The following PML variants were observed in gnomAD, a reference collection of about 807,000 sequenced individuals.
The protein encoded by PML is PML nuclear body scaffold, also known as protein PML.
In PML, 28 loss-of-function variants were observed where a neutral mutation model predicts 65.2. The ratio of observed to expected loss-of-function variants is 0.43; its 90% CI spans 0.32 to 0.59. The LOEUF is 0.59. Ranked by LOEUF, PML falls within the 20% of genes least tolerant of loss-of-function variation. PML has a pLI of 0.08. For missense variants in PML, 1,021 were observed against 1,203.4 expected (o/e 0.85, Z 2.24); for synonymous variants, 500 against 508.8 (o/e 0.98, Z 0.23).
At chr15:74,012,751 T>A (rs1302858666) in intron 2 of PML, among the ~76,000 whole-genome samples, 1 of 152,226 alleles carries the variant, frequency 6.6e-6, no homozygotes, top group Non-Finnish European at 1.5e-5. Flanking sequence ...CCACTGGTCT[T>A]TTTACTTTAA....
chr15:74,015,568 T>C (rs2070533291), intron 2 of PML, among the ~76,000 whole-genome samples: 1 of 152,224 alleles, frequency 6.6e-6, no homozygotes, highest in Non-Finnish European at 1.5e-5. Flanking sequence ...AGAAGTAGCA[T>C]GCTCCCCTGG....
chr15:74,036,201 G>T (rs993819753), intron 7 of PML: 1 of 1,586,502 alleles, frequency 6.3e-7, no homozygotes, highest in East Asian at 2.2e-5. Flanking sequence ...CTTTGCCCAA[G>T]AAAGAAACTT....
intron 6 of PML, 59 bp downstream of exon 6, chr15:74,033,473 C>T: frequency 6.3e-7 from 1 of 1,593,512 alleles, no homozygotes; most frequent in Non-Finnish European, 8.6e-7. Context: ...GGGCGGTGCC[C>T]CTCTTCTGTA....
chr15:74,042,926 G>A lies in PML; in HGVS notation c.1711-63G>A, dbSNP rs879383577. On this transcript the variant is annotated intron_variant, in intron 7 of 8. Transcript: ENST00000268058. This position sits in a 1 kb window ranked among gnomAD's most constrained non-coding sequence, Gnocchi z 5.3. ...CTCCCAGCTATACCAGCTTGCTAGT[G>A]TTCTGCACAGGTGCTTGCCTTGGCC... 2.5e-5 allele frequency: 41 copies of A among 1,611,382 alleles called. No individual in the cohort carries two copies. The highest frequency in any genetic ancestry group is 3.1e-5 in the Non-Finnish European group (37 of 1,179,942).
At chr15:74,012,135 T>G (rs2070360771) in intron 2 of PML, among the ~76,000 whole-genome samples, 1 of 118,374 alleles carries the variant, frequency 8.4e-6, no homozygotes, top group Non-Finnish European at 1.9e-5. Flanking sequence ...AAAAGGTCCC[T>G]CTAAGATTAA....
Position 74,042,369 on chromosome 15 carries a change from G to T in PML, c.1711-620G>T, listed in dbSNP as rs193200177. 10 of 985,454 alleles carry T rather than the reference G, an allele frequency of 1.0e-5. No homozygotes were observed. The East Asian group carries it at 1.1e-3, about 112-fold the overall frequency. The allele number at this position is 985,454 out of a possible 1,614,324, so 61.0% of individuals were successfully genotyped here. ...AAGCAGTCCTTCCCCTCGCCTTTGT[G>T]TAGGACACTGGCACCTCGGCTGACT... is the stretch of plus-strand genomic sequence containing the variant. On this transcript the variant is annotated intron_variant, in intron 7 of 8. Coordinates refer to ENST00000268058, the MANE Select transcript of PML (RefSeq NM_033238.3). The surrounding 1 kb of genome is among the most constrained non-coding windows in gnomAD (Gnocchi z 5.3).
In PML at chr15:74,043,260, G is replaced by A; in HGVS notation, c.1861+121G>A. 2 of 1,587,298 alleles carry A rather than the reference G, an allele frequency of 1.3e-6. No individual in the cohort carries two copies. Among genetic ancestry groups the A allele is most frequent in the Non-Finnish European group, 1.7e-6 (2 of 1,167,974 alleles). On this transcript the variant is annotated intron_variant, in intron 8 of 8. Transcript: ENST00000268058. This position sits in a 1 kb window ranked among gnomAD's most constrained non-coding sequence, Gnocchi z 4.3. Reference sequence around the variant, plus strand: ...CTCTGAGCTCTGGCCAACAACTGCAGCCAGGCTGGGCAGAGCACTCCGGCT... The same window carrying A: ...CTCTGAGCTCTGGCCAACAACTGCAACCAGGCTGGGCAGAGCACTCCGGCT...
In PML at chr15:73,998,173, A is replaced by G; in HGVS notation, c.299A>G (p.Asp100Gly). ...CAGGCGCCCTGGCCCCTAGGTGCAG[A>G]CACACCCGCCCTGGATAACGTCTTT... The part of the protein sequence containing the change: ...ICQAPWPLGA[D>G]TPALDNVFFE... Residue 100 changes from aspartate (D) to glycine (G), a missense_variant, in exon 2 of 9, where the codon GAC becomes GGC. Transcript: ENST00000268058. 4 of 1,614,166 alleles carry G rather than the reference A, an allele frequency of 2.5e-6. No individual in the cohort carries two copies. The highest frequency in any genetic ancestry group is 3.4e-6 in the Non-Finnish European group (4 of 1,180,008).
At chr15:73,999,152 A>C (rs2069644499) in intron 2 of PML, among the ~76,000 whole-genome samples, 1 of 152,200 alleles carries the variant, frequency 6.6e-6, no homozygotes, top group South Asian at 2.1e-4. Flanking sequence ...ATCCACAGGT[A>C]GCCATTGTTA....
intron 2 of PML, among the ~76,000 whole-genome samples, chr15:74,006,439 T>C (rs943407244): frequency 6.6e-5 from 10 of 150,974 alleles, no homozygotes; most frequent in South Asian, 6.3e-4. Context: ...TTTTAGCATG[T>C]GCATCTAGCA....
At chr15:74,011,568 C>T (rs1423177480) in intron 2 of PML, among the ~76,000 whole-genome samples, 1 of 152,218 alleles carries the variant, frequency 6.6e-6, no homozygotes, top group Non-Finnish European at 1.5e-5. Context: ...AAGTGAAACA[C>T]CCTGACCCCT....
rs560208267 is a variant in PML at position 74,030,908 on chromosome 15, A to T, written c.1255-1664A>T. On this transcript the variant is annotated intron_variant, in intron 4 of 8. Transcript: ENST00000268058. ...ATTTATTACATTCATAATATTTTTTAAATTTTTTAATTTTTTTTCTTTGCA... is the reference window on the plus strand; with the variant it reads ...ATTTATTACATTCATAATATTTTTTTAATTTTTTAATTTTTTTTCTTTGCA... Among the ~76,000 whole-genome samples, 34 of 152,210 alleles carry T rather than the reference A, an allele frequency of 2.2e-4. 1 individual carries two copies. Among genetic ancestry groups the T allele is most frequent in the Middle Eastern group, 3.4e-3 (1 of 294 alleles).
At chr15:74,019,811 C>A (rs188397059) in intron 2 of PML, among the ~76,000 whole-genome samples, 4 of 152,320 alleles carry the variant, frequency 2.6e-5, no homozygotes, top group African/African-American at 9.6e-5. Context: ...CTATTATTAA[C>A]CTCATTTCTC....
Position 74,044,581 on chromosome 15 carries a change from G to T in PML, c.2222G>T (p.Arg741Leu). Residue 741 changes from arginine to leucine, a missense_variant, in exon 9 of 9, where the codon CGC becomes CTC. By Grantham distance (102) the Arg-to-Leu change is moderately radical. Coordinates refer to ENST00000268058, the MANE Select transcript of PML (RefSeq NM_033238.3). Reference sequence around the variant, plus strand: ...TACCTGGCGAGAAACATGAGCGAGCGCAGCGCCATGGCTGCCGTGCTGGCC... The same window carrying T: ...TACCTGGCGAGAAACATGAGCGAGCTCAGCGCCATGGCTGCCGTGCTGGCC... Reference protein sequence around the residue: ...QTYLARNMSERSAMAAVLAMR... With the variant: ...QTYLARNMSELSAMAAVLAMR... The T allele has an allele frequency of 6.2e-7, 1 of 1,610,324 alleles. No individual in the cohort carries two copies.
intron 2 of PML, among the ~76,000 whole-genome samples, chr15:74,017,409 G>A (rs907030995): frequency 6.6e-6 from 1 of 152,104 alleles, no homozygotes; most frequent in Non-Finnish European, 1.5e-5. Context: ...CACTTTGGGA[G>A]GCAGGGGCTG....
chr15:74,014,755 C>T (rs1329278425), intron 2 of PML, among the ~76,000 whole-genome samples: 1 of 151,524 alleles, frequency 6.6e-6, no homozygotes, highest in East Asian at 2.0e-4. Flanking sequence ...GAGCGAGACT[C>T]TTTCTCAAAA....
At position 73,994,747 on chromosome 15, in the gene PML, C is replaced by G; in HGVS notation, c.-66C>G. 1 of 1,532,740 alleles carries G rather than the reference C, an allele frequency of 6.5e-7. No homozygotes were observed. The highest frequency in any genetic ancestry group is 1.2e-5 in the South Asian group (1 of 83,672). 94.9% of individuals were successfully genotyped at this position (1,532,740 alleles called of 1,614,324 possible). ...AGGGACTCAGCCAACTGGCTCACGC[C>G]TCCCCTTCAGCTTCTCTTCACGCAC... On this transcript the variant is annotated 5_prime_UTR_variant, in exon 1 of 9. Transcript: ENST00000268058.
intron 2 of PML, among the ~76,000 whole-genome samples, chr15:74,010,391 C>T (rs1173387491): frequency 6.6e-6 from 1 of 150,874 alleles, no homozygotes; most frequent in Non-Finnish European, 1.5e-5. Context: ...GTGGTGCACG[C>T]CTGTAGTCCC....
intron 2 of PML, among the ~76,000 whole-genome samples, chr15:74,015,288 C>G (rs938997883): frequency 1.1e-4 from 16 of 152,134 alleles, no homozygotes; most frequent in Non-Finnish European, 2.2e-4. Context: ...GGTGAGATAG[C>G]AGGAAACTGA....
Sources: gnomAD v4.1 joint callset for allele counts (sites outside exome capture counted in the v4.1 genomes callset) on GRCh38, gnomAD v4.1.1 for gene constraint, Gnocchi (gnomAD v3.1) non-coding constraint, MANE v1.5 for transcripts, NCBI Gene and HGNC (gene_info 2026-07-23, HGNC 2026-07-21) for gene names.